Variants in DNM3 observed in about 807,000 individuals in gnomAD.
DNM3 encodes the protein dynamin 3.
A neutral mutation model predicts 101.6 loss-of-function variants in DNM3; 47 were observed. That is an observed-to-expected ratio of 0.46 (90% CI 0.37 to 0.59). DNM3 has a LOEUF of 0.59. DNM3 is among the 20% of genes least tolerant of loss of function. The pLI, the probability that DNM3 is intolerant of heterozygous loss-of-function variation, is 0.00. For synonymous variants in DNM3, 385 were observed against 387.9 expected, an observed-to-expected ratio of 0.99 and a Z score of 0.09; for missense variants, 849 against 1,085.7, an observed-to-expected ratio of 0.78 and a Z score of 3.06.
rs539289040 is a variant in DNM3, at chr1:172,204,917, G to A, written c.1660-48656G>A. ...TTGATTGTCCACTACATGGGACAGT[G>A]TTTTACAAGTTACAGGTTGCAGGCT... is the stretch of plus-strand genomic sequence containing the variant. On this transcript the variant is annotated intron_variant, in intron 14 of 20. Coordinates refer to ENST00000627582, the MANE Select transcript of DNM3 (RefSeq NM_015569.5). 3.9e-5 allele frequency among the ~76,000 whole-genome samples: 6 copies of A among 152,182 alleles called. No individual in the cohort carries two copies. The South Asian group carries it at 6.2e-4, about 16-fold the overall frequency.
intron 12 of DNM3, among the ~76,000 whole-genome samples, chr1:172,090,202 T>C (rs544140384): frequency 6.6e-6 from 1 of 152,212 alleles, no homozygotes; most frequent in Non-Finnish European, 1.5e-5. Context: ...AACACAATTA[T>C]GGTGCTTGGA....
intron 13 of DNM3, among the ~76,000 whole-genome samples, chr1:172,118,527 T>C (rs1331826053): frequency 1.3e-5 from 2 of 152,204 alleles, no homozygotes; most frequent in Non-Finnish European, 2.9e-5. Context: ...TTTTCTTCAT[T>C]GGCCAATTCT....
At chr1:172,192,541 A>C (rs1210700738) in intron 14 of DNM3, among the ~76,000 whole-genome samples, 2 of 91,274 alleles carry the variant, frequency 2.2e-5, no homozygotes, top group African/African-American at 4.4e-5. Flanking sequence ...CCCACCCCAC[A>C]ACAGTCCCCA....
At chr1:172,294,541 C>T (rs2064065433) in intron 15 of DNM3, among the ~76,000 whole-genome samples, 1 of 152,072 alleles carries the variant, frequency 6.6e-6, no homozygotes, top group South Asian at 2.1e-4. Flanking sequence ...TTTCAGTTTC[C>T]TCATCTGTGA....
chr1:172,046,601 A>G (rs2049831066), intron 9 of DNM3, among the ~76,000 whole-genome samples: 1 of 152,146 alleles, frequency 6.6e-6, no homozygotes, highest in Non-Finnish European at 1.5e-5. Context: ...AATTTAGACA[A>G]TCTGCTCCAC....
At chr1:172,190,319 A>G (rs2059668956) in intron 14 of DNM3, among the ~76,000 whole-genome samples, 1 of 152,158 alleles carries the variant, frequency 6.6e-6, no homozygotes, top group South Asian at 2.1e-4. Flanking sequence ...AGCTCCATCC[A>G]TGTCCCTATA....
At chr1:172,276,050 G>A (rs953145877) in intron 15 of DNM3, among the ~76,000 whole-genome samples, 2 of 151,996 alleles carry the variant, frequency 1.3e-5, no homozygotes, top group Non-Finnish European at 2.9e-5. Context: ...TATATTTTTA[G>A]TATAGCTTTT....
At chr1:172,370,048 C>T (rs2068242765) in intron 17 of DNM3, 2 of 151,882 alleles carry the variant, frequency 1.3e-5, no homozygotes, top group Admixed American at 1.3e-4. Context: ...TTTAAAACCC[C>T]ATCTCTCAAT....
rs75107823 is a variant in DNM3 at position 171,858,278 on chromosome 1, C to T, written c.161+16461C>T. 9.7e-3 allele frequency among the ~76,000 whole-genome samples: 1,483 copies of T among 152,192 alleles called. 32 individuals are homozygous for T. Among genetic ancestry groups the T allele is most frequent in the African/African-American group, 0.034 (1,396 of 41,522 alleles). On this transcript the variant is annotated intron_variant, in intron 1 of 20. Coordinates refer to ENST00000627582, the MANE Select transcript of DNM3 (RefSeq NM_015569.5). Reference sequence around the variant, plus strand: ...TTCACTGATGCACTAATATTCTTAGCTTGATAAGCTAGTGTCCTTAGCCCA... The same window carrying T: ...TTCACTGATGCACTAATATTCTTAGTTTGATAAGCTAGTGTCCTTAGCCCA...
rs1215836873 is a variant in DNM3, at chr1:172,058,340, T to C, written c.1335+9590T>C. ...GAATTGAACTCAGCTCTGCACCAAG[T>C]GGACCTAATAGACATCTACAGAACT... is the stretch of plus-strand genomic sequence containing the variant. On this transcript the variant is annotated intron_variant, in intron 10 of 20. Coordinates refer to ENST00000627582, the MANE Select transcript of DNM3 (RefSeq NM_015569.5). Among the ~76,000 whole-genome samples, 127 of 151,162 alleles carry C rather than the reference T, an allele frequency of 8.4e-4. 1 individual carries two copies. Among genetic ancestry groups the C allele is most frequent in the African/African-American group, 2.8e-3 (114 of 41,068 alleles).
chr1:172,357,351 A>G (rs80298437), intron 17 of DNM3, among the ~76,000 whole-genome samples: 10,164 of 151,988 alleles, frequency 0.067, 393 homozygotes, highest in South Asian at 0.14. Flanking sequence ...ATCTTAACCA[A>G]ATGATCAAAG....
intron 1 of DNM3, among the ~76,000 whole-genome samples, chr1:171,864,888 A>G (rs1443090527): frequency 6.6e-6 from 1 of 151,738 alleles, no homozygotes; most frequent in Non-Finnish European, 1.5e-5. Context: ...TATAGCTTGG[A>G]GTTCCAAATT....
intron 14 of DNM3, among the ~76,000 whole-genome samples, chr1:172,181,516 G>A (rs933459988): frequency 2.0e-5 from 3 of 151,964 alleles, no homozygotes; most frequent in African/African-American, 7.2e-5. Flanking sequence ...GTCAATGCCT[G>A]ATATTAAACA....
intron 1 of DNM3, among the ~76,000 whole-genome samples, chr1:171,848,461 G>A (rs2032495749): frequency 6.6e-6 from 1 of 152,142 alleles, no homozygotes; most frequent in Admixed American, 6.5e-5. Context: ...GATATTGGAT[G>A]TTTTTACACA....
intron 13 of DNM3, among the ~76,000 whole-genome samples, chr1:172,099,299 G>A (rs887494528): frequency 1.3e-5 from 2 of 152,128 alleles, no homozygotes; most frequent in African/African-American, 2.4e-5. Context: ...AACATGCAGG[G>A]AGATACCTTG....
At chr1:172,384,133 A>G (rs2069065760) in intron 18 of DNM3, among the ~76,000 whole-genome samples, 1 of 152,178 alleles carries the variant, frequency 6.6e-6, no homozygotes, top group Non-Finnish European at 1.5e-5. Flanking sequence ...AACTCCCGGA[A>G]GTCCCCCTAC....
intron 1 of DNM3, among the ~76,000 whole-genome samples, chr1:171,916,250 G>A (rs1014282711): frequency 4.6e-5 from 7 of 152,242 alleles, no homozygotes; most frequent in Non-Finnish European, 1.0e-4. Context: ...TGACTTTTTT[G>A]TGCCTCTGTT....
rs143326548 is a variant in DNM3 at position 171,894,027 on chromosome 1, T to C, written c.162-27721T>C. 1.4e-3 allele frequency among the ~76,000 whole-genome samples: 217 copies of C among 151,980 alleles called. 1 individual carries two copies. The highest frequency in any genetic ancestry group is 5.0e-3 in the African/African-American group (208 of 41,446). Reference sequence around the variant, plus strand: ...TTAGTAGAGATGGGATTTCACCATGTCGGCCAGGATGGTCTCCATCTCCTG... The same window carrying C: ...TTAGTAGAGATGGGATTTCACCATGCCGGCCAGGATGGTCTCCATCTCCTG... On this transcript the variant is annotated intron_variant, in intron 1 of 20. Transcript: ENST00000627582.
chr1:172,258,250 C>T (rs183606067), intron 15 of DNM3, among the ~76,000 whole-genome samples: 3 of 152,082 alleles, frequency 2.0e-5, no homozygotes, highest in East Asian at 1.9e-4. Context: ...AACATGGGAG[C>T]GCGTGTGTCT....
Sources: gnomAD v4.1 joint callset for allele counts (sites outside exome capture counted in the v4.1 genomes callset) on GRCh38, gnomAD v4.1.1 for gene constraint, MANE v1.5 for transcripts, NCBI Gene and HGNC (gene_info 2026-07-23, HGNC 2026-07-21) for gene names.